The following CACNA2D3 variants were observed in gnomAD, a reference collection of about 807,000 sequenced individuals.
CACNA2D3 encodes calcium voltage-gated channel auxiliary subunit alpha2delta 3.
CACNA2D3 carries 60 observed loss-of-function variants against 160.6 expected under a neutral mutation model. That is an observed-to-expected ratio of 0.37 (90% CI 0.30 to 0.46). CACNA2D3 has a LOEUF of 0.46. Ranked by LOEUF, CACNA2D3 falls within the 20% of genes least tolerant of loss-of-function variation. CACNA2D3 has a pLI of 1.00. For missense variants in CACNA2D3, 1,205 were observed against 1,365.0 expected (o/e 0.88, Z 1.85); for synonymous variants, 558 against 492.9 (o/e 1.13, Z -1.75).
At chr3:54,230,334 T>G (rs760446236) in intron 2 of CACNA2D3, among the ~76,000 whole-genome samples, 7 of 152,198 alleles carry the variant, frequency 4.6e-5, no homozygotes, top group Non-Finnish European at 1.0e-4. Flanking sequence ...GATTTGAAGT[T>G]TGTGTAATTC....
chr3:54,798,433 G>T (rs748468975), intron 13 of CACNA2D3, among the ~76,000 whole-genome samples: 6 of 152,150 alleles, frequency 3.9e-5, no homozygotes, highest in Non-Finnish European at 7.3e-5. Context: ...CTACTCAGGA[G>T]GCTGAGGCAG....
Position 54,812,415 on chromosome 3 carries a change from A to G in CACNA2D3, c.1381-4438A>G, listed in dbSNP as rs148625748. 3.1e-3 allele frequency among the ~76,000 whole-genome samples: 478 copies of G among 152,334 alleles called. 3 individuals are homozygous for G. The highest frequency in any genetic ancestry group is 0.011 in the African/African-American group (458 of 41,584). On this transcript the variant is annotated intron_variant, in intron 13 of 37. Coordinates refer to ENST00000474759, the MANE Select transcript of CACNA2D3 (RefSeq NM_018398.3). Reference sequence around the variant, plus strand: ...GAGACACAGACAACTGACCAGAGAAATAGGTGTTTGCCAGGCAAGTGGAGA... The same window carrying G: ...GAGACACAGACAACTGACCAGAGAAGTAGGTGTTTGCCAGGCAAGTGGAGA...
At chr3:54,820,931 T>A (rs555504981) in intron 14 of CACNA2D3, among the ~76,000 whole-genome samples, 1 of 152,184 alleles carries the variant, frequency 6.6e-6, no homozygotes, top group Non-Finnish European at 1.5e-5. Flanking sequence ...GAGCTAAACA[T>A]CAGTTATTCA....
chr3:55,013,767 G>A (rs894671797), intron 34 of CACNA2D3, among the ~76,000 whole-genome samples: 27 of 152,190 alleles, frequency 1.8e-4, no homozygotes, highest in African/African-American at 5.8e-4. Flanking sequence ...GCTGGCACCC[G>A]GTTGTGAACA....
intron 2 of CACNA2D3, among the ~76,000 whole-genome samples, chr3:54,217,997 T>G (rs1054916174): frequency 6.7e-6 from 1 of 148,320 alleles, no homozygotes; most frequent in African/African-American, 2.5e-5. Flanking sequence ...GTTAAAGAGG[T>G]GTTAGAGGTG....
intron 4 of CACNA2D3, among the ~76,000 whole-genome samples, chr3:54,451,344 G>A (rs974369552): frequency 2.2e-5 from 3 of 138,932 alleles, no homozygotes; most frequent in Non-Finnish European, 4.6e-5. Flanking sequence ...CTGCCTACCG[G>A]GTTCAAGAGA....
intron 21 of CACNA2D3, 89 bp from the exon 22 acceptor site, chr3:54,885,192 C>T (rs1699893233): frequency 7.1e-7 from 1 of 1,398,702 alleles, no homozygotes; most frequent in African/African-American, 1.4e-5. Flanking sequence ...CCTTAACCCA[C>T]CCCGCAGCCC....
chr3:54,778,324 G>T (rs184474437), intron 13 of CACNA2D3, among the ~76,000 whole-genome samples: 1 of 151,752 alleles, frequency 6.6e-6, no homozygotes, highest in Non-Finnish European at 1.5e-5. Flanking sequence ...ATTCCGTGCC[G>T]CCATCCTCCA....
chr3:54,441,450 G>A (rs1277787807), intron 4 of CACNA2D3, among the ~76,000 whole-genome samples: 5 of 152,270 alleles, frequency 3.3e-5, no homozygotes, highest in South Asian at 2.1e-4. Flanking sequence ...TGTTCACTCT[G>A]ATGGTAGTTT....
At chr3:54,265,014 T>C (rs1702473701) in intron 2 of CACNA2D3, among the ~76,000 whole-genome samples, 1 of 152,234 alleles carries the variant, frequency 6.6e-6, no homozygotes, top group African/African-American at 2.4e-5. Context: ...TTCCAAATCT[T>C]TGCTATTGTG....
intron 27 of CACNA2D3, among the ~76,000 whole-genome samples, chr3:54,944,400 T>G (rs185454443): frequency 2.9e-3 from 379 of 131,198 alleles, no homozygotes; most frequent in African/African-American, 0.011. Flanking sequence ...CCCAGGGTAT[T>G]TATTTATTTA....
intron 35 of CACNA2D3, among the ~76,000 whole-genome samples, chr3:55,044,446 G>A (rs1008774927): frequency 1.3e-5 from 2 of 151,796 alleles, no homozygotes; most frequent in Non-Finnish European, 2.9e-5. Flanking sequence ...TATTTATCTC[G>A]TTTCTGAACT....
intron 2 of CACNA2D3, among the ~76,000 whole-genome samples, chr3:54,294,702 C>G (rs1175771788): frequency 6.6e-6 from 1 of 152,086 alleles, no homozygotes; most frequent in Non-Finnish European, 1.5e-5. Context: ...CTCACATCAC[C>G]TTGACGGGCA....
intron 9 of CACNA2D3, among the ~76,000 whole-genome samples, chr3:54,614,404 C>T (rs1003039672): frequency 3.9e-5 from 6 of 152,178 alleles, no homozygotes; most frequent in African/African-American, 1.4e-4. Context: ...GTTTCCTGTC[C>T]TTGGAGTAAA....
intron 35 of CACNA2D3, among the ~76,000 whole-genome samples, chr3:55,028,388 A>G (rs3773559): frequency 0.065 from 9,868 of 152,294 alleles, 464 homozygotes; most frequent in Middle Eastern, 0.14. Context: ...GCTCTAACCA[A>G]TAATTTTTGT....
chr3:54,139,100 G>A (rs534249047), intron 2 of CACNA2D3, among the ~76,000 whole-genome samples: 39 of 152,242 alleles, frequency 2.6e-4, no homozygotes, highest in Non-Finnish European at 5.1e-4. Context: ...CTTGCCTGCA[G>A]TAGAGCTCAA....
intron 35 of CACNA2D3, among the ~76,000 whole-genome samples, chr3:55,054,455 T>C (rs1034087002): frequency 2.0e-5 from 3 of 151,806 alleles, no homozygotes; most frequent in Admixed American, 1.3e-4. Context: ...GAATTTTGGA[T>C]TTAAAATATT....
chr3:54,733,822 C>T (rs138740727), intron 11 of CACNA2D3, among the ~76,000 whole-genome samples: 1 of 152,142 alleles, frequency 6.6e-6, no homozygotes. Flanking sequence ...TTGCCTCCAG[C>T]GGTCTGAACT....
intron 27 of CACNA2D3, among the ~76,000 whole-genome samples, chr3:54,900,131 CGAG>C (rs1700292711): frequency 6.6e-6 from 1 of 152,092 alleles, no homozygotes; most frequent in Non-Finnish European, 1.5e-5. Flanking sequence ...CAGTACTTGC[CGAG>C]GAGAATTTCT....
Sources: gnomAD v4.1 joint callset for allele counts (sites outside exome capture counted in the v4.1 genomes callset) on GRCh38, gnomAD v4.1.1 for gene constraint, MANE v1.5 for transcripts, NCBI Gene and HGNC (gene_info 2026-07-23, HGNC 2026-07-21) for gene names.